SH3PXD2A: variants seen among roughly 807,000 people sequenced by gnomAD.
SH3PXD2A encodes SH3 and PX domains 2A.
A neutral mutation model predicts 115.2 loss-of-function variants in SH3PXD2A; 32 were observed. That is an observed-to-expected ratio of 0.28 (90% confidence interval 0.21 to 0.37). SH3PXD2A has a LOEUF of 0.37. Among genes scored for constraint, SH3PXD2A ranks in the 10% least tolerant of loss-of-function variants. The probability of loss-of-function intolerance (pLI) is 1.00; values close to 1 mark genes in which losing one functional copy is unlikely to be tolerated. For synonymous variants in SH3PXD2A, 610 were observed against 629.1 expected (o/e 0.97, Z 0.45); for missense variants, 1,328 against 1,498.7 (o/e 0.89, Z 1.88).
intron 13 of SH3PXD2A, among the ~76,000 whole-genome samples, chr10:103,608,150 T>TAAAAAAAAAAAAGTTTAC (rs2036356498): frequency 3.1e-5 from 1 of 32,670 alleles, no homozygotes; most frequent in African/African-American, 2.4e-4. Context: ...ATGATCAATT[T>TAAAAAAAAAAAAGTTTAC]AAAAAAAAAA....
At chr10:103,629,551 G>T (rs2036747961) in intron 8 of SH3PXD2A, among the ~76,000 whole-genome samples, 1 of 152,204 alleles carries the variant, frequency 6.6e-6, no homozygotes, top group African/African-American at 2.4e-5. Flanking sequence ...TGGGGCCAAG[G>T]TCAGGCTGGA....
Position 103,758,703 on chromosome 10 carries a change from G to T in SH3PXD2A, c.229+8391C>A, listed in dbSNP as rs115051499. Among the ~76,000 whole-genome samples the T allele has an allele frequency of 9.7e-3, 1,479 of 152,330 alleles. 30 individuals carry two copies. Among genetic ancestry groups the T allele is most frequent in the African/African-American group, 0.034 (1,422 of 41,562 alleles). ...TACAGAGTAGGAGACTGATTTTTGG[G>T]GATGGGAAGCAGTAATTACATCAAG... is the stretch of plus-strand genomic sequence containing the variant. On this transcript the variant is annotated intron_variant, in intron 3 of 14. Transcript: ENST00000369774.
intron 7 of SH3PXD2A, 68 bp from the exon 8 acceptor site, chr10:103,661,182 GTCCATCGGCC>G (rs2037294958): frequency 1.9e-6 from 3 of 1,564,164 alleles, no homozygotes; most frequent in Non-Finnish European, 2.6e-6. Flanking sequence ...GGCGCCCCCT[GTCCATCGGCC>G]TCCTCGGGGG....
At chr10:103,836,806 T>C (rs1418812994) in intron 1 of SH3PXD2A, among the ~76,000 whole-genome samples, 1 of 152,194 alleles carries the variant, frequency 6.6e-6, no homozygotes, top group Non-Finnish European at 1.5e-5. Flanking sequence ...GAAGCTTTCA[T>C]GTTCATAATG....
chr10:103,735,835 G>A (rs1257555755), intron 3 of SH3PXD2A, 27 bp from the exon 4 acceptor site: 1 of 1,596,084 alleles, frequency 6.3e-7, no homozygotes, highest in Non-Finnish European at 8.6e-7. Context: ...CATGAGTGGG[G>A]GATTCTGGCT....
intron 1 of SH3PXD2A, among the ~76,000 whole-genome samples, chr10:103,851,493 G>A (rs776684481): frequency 3.9e-5 from 6 of 152,140 alleles, no homozygotes; most frequent in Admixed American, 6.5e-5. Flanking sequence ...TTCCTGCCCG[G>A]ATTCTAATTG....
At chr10:103,837,553 T>G (rs373991278) in intron 1 of SH3PXD2A, among the ~76,000 whole-genome samples, 1 of 151,786 alleles carries the variant, frequency 6.6e-6, no homozygotes, top group African/African-American at 2.4e-5. Context: ...CAGGAGGGAG[T>G]GCTCACACAG....
intron 8 of SH3PXD2A, among the ~76,000 whole-genome samples, chr10:103,660,168 T>C (rs1337674134): frequency 6.6e-6 from 1 of 152,010 alleles, no homozygotes; most frequent in East Asian, 1.9e-4. Context: ...CAGAAACCCA[T>C]GCAAGCCCTG....
chr10:103,812,686 G>A (rs1207574265), intron 1 of SH3PXD2A, among the ~76,000 whole-genome samples: 2 of 152,082 alleles, frequency 1.3e-5, no homozygotes, highest in African/African-American at 2.4e-5. Context: ...GCCAGCAGCC[G>A]CCTCCACACA....
chr10:103,753,317 CAAAAA>C (rs60364879), intron 3 of SH3PXD2A, among the ~76,000 whole-genome samples: 2 of 62,856 alleles, frequency 3.2e-5, no homozygotes, highest in African/African-American at 1.3e-4. Flanking sequence ...CTGCCTCTAC[CAAAAA>C]AAAAAAAAAA....
chr10:103,738,772 G>C (rs1212612877), intron 3 of SH3PXD2A, among the ~76,000 whole-genome samples: 1 of 152,020 alleles, frequency 6.6e-6, no homozygotes, highest in African/African-American at 2.4e-5. Context: ...GATCATTCCT[G>C]TCCTAGTTGC....
chr10:103,703,356 T>C (rs2037942909), intron 5 of SH3PXD2A, among the ~76,000 whole-genome samples: 1 of 152,226 alleles, frequency 6.6e-6, no homozygotes, highest in African/African-American at 2.4e-5. Context: ...AGCCCCATTT[T>C]ACAGATGCAC....
At chr10:103,781,861 G>T (rs988233048) in intron 2 of SH3PXD2A, among the ~76,000 whole-genome samples, 2 of 152,226 alleles carry the variant, frequency 1.3e-5, no homozygotes. Flanking sequence ...TCACAAGCTT[G>T]TAGAAAGCAC....
Position 103,784,484 on chromosome 10 carries a change from T to C in SH3PXD2A, c.153+16798A>G, listed in dbSNP as rs1333689083. 6.6e-6 allele frequency among the ~76,000 whole-genome samples: 1 copy of C among 152,160 alleles called. No individual in the cohort carries two copies. Among genetic ancestry groups the C allele is most frequent in the African/African-American group, 2.4e-5 (1 of 41,430 alleles). The stretch of plus-strand genomic sequence containing the variant: ...CCATTTTATTTATTTAAAAGAGACA[T>C]ATCTGAAGCAAATGTGGCAAAATAT... On this transcript the variant is annotated intron_variant, in intron 2 of 14. Transcript: ENST00000369774. This position sits in a 1 kb window ranked among gnomAD's most constrained non-coding sequence, Gnocchi z 4.4.
chr10:103,770,188 G>A (rs773130169), intron 2 of SH3PXD2A, among the ~76,000 whole-genome samples: 2 of 152,102 alleles, frequency 1.3e-5, no homozygotes, highest in Non-Finnish European at 2.9e-5. Context: ...ATTTTTCCAT[G>A]TCAATGAATA....
At chr10:103,792,224 C>T (rs1402037881) in intron 2 of SH3PXD2A, among the ~76,000 whole-genome samples, 2 of 152,214 alleles carry the variant, frequency 1.3e-5, no homozygotes, top group Non-Finnish European at 2.9e-5. Flanking sequence ...TTTTAAAAAA[C>T]AATGTTTTCC....
At chr10:103,616,889 G>A (rs1425652713) in intron 11 of SH3PXD2A, among the ~76,000 whole-genome samples, 1 of 152,274 alleles carries the variant, frequency 6.6e-6, no homozygotes. Flanking sequence ...ACCAAATTCA[G>A]ATGTGCTGAG....
intron 1 of SH3PXD2A, among the ~76,000 whole-genome samples, chr10:103,847,298 C>T (rs949804226): frequency 1.3e-5 from 2 of 151,768 alleles, no homozygotes; most frequent in African/African-American, 2.4e-5. Context: ...GTGTTCATCA[C>T]GATGCCTAGC....
chr10:103,728,278 G>T (rs2038267382), intron 4 of SH3PXD2A, among the ~76,000 whole-genome samples: 1 of 152,222 alleles, frequency 6.6e-6, no homozygotes, highest in Non-Finnish European at 1.5e-5. Context: ...GAAGTTAAGC[G>T]AGATGAATAT....
Sources: allele counts gnomAD v4.1 joint callset (sites outside exome capture counted in the v4.1 genomes callset), GRCh38; gene constraint gnomAD v4.1.1; non-coding constraint Gnocchi (gnomAD v3.1); transcripts MANE v1.5; gene names NCBI Gene and HGNC (gene_info 2026-07-23, HGNC 2026-07-21).